The following DST variants were observed in gnomAD, a reference collection of about 807,000 sequenced individuals.
DST encodes the protein bullous pemphigoid antigen.
A neutral mutation model predicts 875.2 loss-of-function variants in DST; 253 were observed. That is an observed-to-expected ratio of 0.29 (90% confidence interval 0.26 to 0.32). The LOEUF (loss-of-function observed/expected upper bound fraction) is 0.32, where lower values mean the gene tolerates loss of function less well. DST is among the 10% of genes least tolerant of loss of function. The probability of loss-of-function intolerance (pLI) is 1.00; values close to 1 mark genes in which losing one functional copy is unlikely to be tolerated. For missense variants in DST, 8,287 were observed against 9,111.6 expected (o/e 0.91, Z 3.68); for synonymous variants, 3,124 against 3,197.1 (o/e 0.98, Z 0.77).
rs987029284 is a variant in DST at position 56,624,752 on chromosome 6, A to C, written c.4831-124T>G. 3.6e-5 allele frequency: 25 copies of C among 701,078 alleles called. 1 individual carries two copies. In the South Asian group the frequency reaches 3.9e-4, roughly 11 times the overall value. The allele number at this position is 701,078 out of a possible 1,614,324, so 43.4% of individuals were successfully genotyped here. The stretch of plus-strand genomic sequence containing the variant: ...CAGCAAAGCACACAACTCCCCCCAT[A>C]ATAAATGATAAGAATGAGCTTATTA... On this transcript the variant is annotated intron_variant, in intron 35 of 103. Coordinates refer to ENST00000680361, the MANE Select transcript of DST (RefSeq NM_001374736.1).
intron 3 of DST, among the ~76,000 whole-genome samples, chr6:56,892,695 T>G (rs765091758): frequency 2.6e-5 from 4 of 152,176 alleles, no homozygotes; most frequent in African/African-American, 4.8e-5. Context: ...ACCAACCTAT[T>G]TAGGGGTGGG....
chr6:56,617,718 C>G (rs1248360427), intron 36 of DST, among the ~76,000 whole-genome samples: 2 of 152,050 alleles, frequency 1.3e-5, no homozygotes, highest in African/African-American at 4.8e-5. Flanking sequence ...TTTTTTGATA[C>G]TCACATTTTT....
Position 56,552,703 on chromosome 6 carries a change from A to G in DST, c.16089T>C (p.His5363=), listed in dbSNP as rs373281280. 2.5e-6 allele frequency: 4 copies of G among 1,613,196 alleles called. No homozygotes were observed. The African/African-American group carries it at 4.0e-5, about 16-fold the overall frequency. Residue 5363 remains histidine (H), a synonymous_variant, in exon 61 of 104, where the codon CAT becomes CAC. Coordinates refer to ENST00000680361, the MANE Select transcript of DST (RefSeq NM_001374736.1). ...CATCAACCTGCTGACTTAGTGTACT[A>G]TGCTCTTGAGCTATGGTTTCCACTT... ...LLQVETIAQE[H]STLSQQVDEK... is the part of the protein sequence containing the mutation.
intron 3 of DST, among the ~76,000 whole-genome samples, chr6:56,868,641 T>TGATAAAATAAATCAAC (rs1775467805): frequency 6.6e-6 from 1 of 152,170 alleles, no homozygotes; most frequent in Non-Finnish European, 1.5e-5. Context: ...TAAAAACCAA[T>TGATAAAATAAATCAAC]GATAAAATAA....
chr6:56,617,957 C>G, intron 36 of DST: 1 of 1,576,322 alleles, frequency 6.3e-7, no homozygotes, highest in Non-Finnish European at 8.7e-7. Context: ...CATTAGGTAG[C>G]TGATAAGGTC....
rs904714037 is a variant in DST, at chr6:56,603,145, C to A, written c.11157+60G>T. 1.9e-6 allele frequency: 3 copies of A among 1,553,144 alleles called. No homozygotes were observed. The African/African-American group carries it at 4.1e-5, about 21-fold the overall frequency. On this transcript the variant is annotated intron_variant, in intron 42 of 103. Coordinates refer to ENST00000680361, the MANE Select transcript of DST (RefSeq NM_001374736.1). ...AAAACTAAAATACTCCAGCTTATGA[C>A]TAAATCCTCAAATAATAAAATTTTC...
At chr6:56,678,142 T>C (rs571682358) in intron 9 of DST, among the ~76,000 whole-genome samples, 8 of 152,322 alleles carry the variant, frequency 5.3e-5, no homozygotes, top group African/African-American at 1.9e-4. Context: ...TTAAACACGA[T>C]GCTCGCATCC....
chr6:56,940,479 C>T (rs1335412622), intron 2 of DST, among the ~76,000 whole-genome samples: 1 of 151,826 alleles, frequency 6.6e-6, no homozygotes, highest in Non-Finnish European at 1.5e-5. Context: ...ATTTTTGTAG[C>T]AATGTTAATA....
At chr6:56,953,093 T>G (rs1025114956) in intron 2 of DST, among the ~76,000 whole-genome samples, 1 of 152,226 alleles carries the variant, frequency 6.6e-6, no homozygotes, top group Non-Finnish European at 1.5e-5. Context: ...GGCGTGCAAC[T>G]TTCCTAAAAA....
intron 4 of DST, among the ~76,000 whole-genome samples, chr6:56,737,657 G>A (rs934793969): frequency 6.6e-6 from 1 of 151,950 alleles, no homozygotes; most frequent in African/African-American, 2.4e-5. Context: ...CGCTACTTTA[G>A]AATAATTTGA....
chr6:56,874,429 C>T (rs1778771772), intron 3 of DST, among the ~76,000 whole-genome samples: 1 of 152,176 alleles, frequency 6.6e-6, no homozygotes. Flanking sequence ...CATGAATTCA[C>T]CATCTTACTT....
Position 56,476,207 on chromosome 6 carries a change from T to C in DST, c.21806A>G (p.Asp7269Gly), listed in dbSNP as rs1467804189. Reference sequence around the variant, plus strand: ...GATCTCCTGGGGGATGACTTCTTTATCCTTATCAGTAAGTGTAGTTTCAGC... The same window carrying C: ...GATCTCCTGGGGGATGACTTCTTTACCCTTATCAGTAAGTGTAGTTTCAGC... ...QWAETTLTDK[D>G]KEVIPQEIEE... The change falls in exon 92 of 104, where the codon GAT (aspartate) becomes GGT (glycine). Residue 7269 changes from aspartate (D) to glycine (G), a missense_variant. This residue lies in a region of DST where 1,292 missense variants were observed against 1,552.7 expected (regional missense o/e 0.83). Transcript: ENST00000680361. The C allele has an allele frequency of 3.7e-6, 6 of 1,613,028 alleles. No homozygotes were observed. The East Asian group carries it at 8.9e-5, about 24-fold the overall frequency.
chr6:56,774,992 C>CAAAAA (rs71549720), intron 4 of DST, among the ~76,000 whole-genome samples: 6 of 52,324 alleles, frequency 1.1e-4, no homozygotes, highest in Non-Finnish European at 2.8e-4. Context: ...AACTCCATCT[C>CAAAAA]AAAAAAAAAA....
At chr6:56,767,042 A>G (rs1177278017) in intron 4 of DST, among the ~76,000 whole-genome samples, 1 of 152,196 alleles carries the variant, frequency 6.6e-6, no homozygotes, top group African/African-American at 2.4e-5. Context: ...AAAAAAATCA[A>G]TGAATTTTCT....
At chr6:56,752,928 ATT>A (rs2099591963) in intron 4 of DST, among the ~76,000 whole-genome samples, 2 of 152,120 alleles carry the variant, frequency 1.3e-5, no homozygotes, top group South Asian at 4.2e-4. Context: ...AGTAGCTGGG[ATT>A]ACAGACATGC....
At chr6:56,527,378 C>A in intron 68 of DST, 115 bp downstream of exon 68, 1 of 1,351,064 alleles carries the variant, frequency 7.4e-7, no homozygotes, top group Non-Finnish European at 9.9e-7. Flanking sequence ...TCTCCACCCA[C>A]CAAGGCATCC....
intron 4 of DST, among the ~76,000 whole-genome samples, chr6:56,835,204 T>C (rs1030836340): frequency 2.6e-5 from 4 of 152,108 alleles, no homozygotes; most frequent in Admixed American, 6.5e-5. Context: ...GAGGAACAAA[T>C]AGGTCAAACA....
chr6:56,866,976 G>A (rs1487247164), intron 3 of DST, among the ~76,000 whole-genome samples: 3 of 151,202 alleles, frequency 2.0e-5, no homozygotes, highest in Non-Finnish European at 4.4e-5. Context: ...ATTTATCATC[G>A]CCTGCAATAC....
intron 4 of DST, among the ~76,000 whole-genome samples, chr6:56,848,970 C>T (rs146009952): frequency 1.7e-3 from 255 of 151,706 alleles, no homozygotes; most frequent in African/African-American, 5.6e-3. Context: ...ACCCAAGAGG[C>T]GGAGGTTGCA....
Sources: gnomAD v4.1 joint callset for allele counts (sites outside exome capture counted in the v4.1 genomes callset) on GRCh38, gnomAD v4.1.1 for gene constraint, gnomAD v4.1.1 regional missense constraint, MANE v1.5 for transcripts, NCBI Gene and HGNC (gene_info 2026-07-23, HGNC 2026-07-21) for gene names.